Variants in EP300 observed in about 807,000 individuals in gnomAD.
The protein encoded by EP300 is histone acetyltransferase p300.
EP300 carries 31 observed loss-of-function variants against 264.0 expected under a neutral mutation model. That is an observed-to-expected ratio of 0.12 (90% CI 0.09 to 0.16). The LOEUF (loss-of-function observed/expected upper bound fraction) is 0.16, where lower values mean the gene tolerates loss of function less well. Ranked by LOEUF, EP300 falls within the 10% of genes least tolerant of loss-of-function variation. The pLI is 1.00. For missense variants in EP300, 2,766 were observed against 3,052.9 expected (o/e 0.91, Z 2.21); for synonymous variants, 1,340 against 1,045.4 (o/e 1.28, Z -5.44).
intron 1 of EP300, among the ~76,000 whole-genome samples, chr22:41,100,581 C>A (rs2058726245): frequency 6.6e-6 from 1 of 152,182 alleles, no homozygotes; most frequent in Non-Finnish European, 1.5e-5. Context: ...TGCATCTGTA[C>A]TGGACATGTA....
chr22:41,176,589 G>T (rs2145514305), intron 30 of EP300, 61 bp downstream of exon 30: 1 of 1,610,608 alleles, frequency 6.2e-7, no homozygotes, highest in Non-Finnish European at 8.5e-7. Context: ...GAGGGGCCAT[G>T]CAGCCACGTA....
chr22:41,169,715 T>C (rs1457213485), intron 26 of EP300, 99 bp downstream of exon 26: 12 of 753,882 alleles, frequency 1.6e-5, no homozygotes, highest in Admixed American at 8.3e-5. Flanking sequence ...GGCCTTTTTT[T>C]CCTCATTTTA....
chr22:41,164,092 G>C lies in EP300; in HGVS notation c.3768G>C (p.Gln1256His). The change falls in exon 22 of 31, where the codon CAG becomes CAC. Residue 1256 changes from glutamine (Q) to histidine (H), a missense_variant. Gln to His is a conservative substitution (Grantham distance 24, BLOSUM62 0). Coordinates refer to ENST00000263253, the MANE Select transcript of EP300 (RefSeq NM_001429.4). ...ECTECGRKMH[Q>H]ICVLHHEIIW... ...CAGAGTGCGGAAGAAAGATGCATCA[G>C]ATCTGTGTCCTTCACCATGAGATCA... 6.2e-7 allele frequency: 1 copy of C among 1,614,142 alleles called. No homozygotes were observed. Among genetic ancestry groups the C allele is most frequent in the Non-Finnish European group, 8.5e-7 (1 of 1,180,030 alleles).
chr22:41,151,360 A>AG (rs1468106124), intron 14 of EP300, among the ~76,000 whole-genome samples: 1 of 152,204 alleles, frequency 6.6e-6, no homozygotes, highest in Non-Finnish European at 1.5e-5. Context: ...GGATAAAGAT[A>AG]GGGAATGCCA....
intron 1 of EP300, among the ~76,000 whole-genome samples, chr22:41,099,281 C>T (rs1315096800): frequency 6.6e-6 from 1 of 151,974 alleles, no homozygotes; most frequent in African/African-American, 2.4e-5. Context: ...GATCCACCCA[C>T]CTCGGCCTCC....
chr22:41,103,118 G>A (rs1196747886), intron 1 of EP300, among the ~76,000 whole-genome samples: 3 of 152,150 alleles, frequency 2.0e-5, no homozygotes, highest in African/African-American at 7.2e-5. Flanking sequence ...CAAAAGTGCT[G>A]GGATTACAGG....
rs1307010834 is a variant in EP300, at chr22:41,130,145, G to C, written c.1282+142G>C. The C allele has an allele frequency of 1.0e-5, 7 of 679,304 alleles. No homozygotes were observed. In the Admixed American group the frequency reaches 1.4e-4, roughly 14 times the overall value. 42.1% of individuals were successfully genotyped at this position (679,304 alleles called of 1,614,324 possible). ...TGTTTTTTTCCCTTTTAATTTTTCT[G>C]CTTCCCTAGTGCATAGAATTGAACT... On this transcript the variant is annotated intron_variant, in intron 5 of 30. Coordinates refer to ENST00000263253, the MANE Select transcript of EP300 (RefSeq NM_001429.4).
At chr22:41,130,818 TAAGAG>T (rs2145714806) in intron 5 of EP300, among the ~76,000 whole-genome samples, 1 of 152,056 alleles carries the variant, frequency 6.6e-6, no homozygotes, top group South Asian at 2.1e-4. Context: ...TTTTTTTTTT[TAAGAG>T]AAAAGACGAG....
In EP300 at chr22:41,140,161, G is replaced by T. The variant is rs17002307; in HGVS notation, c.1782G>T (p.Thr594=). 4 of 1,613,904 alleles carry T rather than the reference G, an allele frequency of 2.5e-6. No homozygotes were observed. Among genetic ancestry groups the T allele is most frequent in the Non-Finnish European group, 3.4e-6 (4 of 1,179,858 alleles). Residue 594 remains threonine (T), a synonymous_variant, in exon 9 of 31, where the codon ACG becomes ACT. Transcript: ENST00000263253. ...VHKLVQAIFP[T]PDPAALKDRR... is the part of the protein sequence containing the mutation. ...CCAGCGTCCAAGCCATATTTCCTAC[G>T]CCGGATCCTGCTGCTTTAAAAGACA... is the stretch of plus-strand genomic sequence containing the variant.
At chr22:41,094,558 C>A (rs1297050285) in intron 1 of EP300, among the ~76,000 whole-genome samples, 1 of 152,178 alleles carries the variant, frequency 6.6e-6, no homozygotes, top group Non-Finnish European at 1.5e-5. Context: ...ACTGTAGTCT[C>A]CAGGGATTTT....
intron 23 of EP300, 138 bp from the exon 24 acceptor site, chr22:41,168,311 A>G (rs1481919181): frequency 1.3e-5 from 12 of 917,828 alleles, no homozygotes; most frequent in Non-Finnish European, 1.2e-5. Context: ...AGTAGTGACT[A>G]CTTTGCTATG....
chr22:41,105,484 C>T (rs188147055), intron 1 of EP300, among the ~76,000 whole-genome samples: 53 of 151,878 alleles, frequency 3.5e-4, no homozygotes, highest in African/African-American at 1.3e-3. Flanking sequence ...CTGCAGCCTC[C>T]GCCTCCCGGG....
intron 18 of EP300, 90 bp from the exon 19 acceptor site, chr22:41,158,322 C>A: frequency 1.0e-6 from 1 of 955,216 alleles, no homozygotes; most frequent in Non-Finnish European, 1.7e-6. Flanking sequence ...AACTAAGACA[C>A]CACTGACTTC....
chr22:41,178,747 T>G lies in EP300; in HGVS notation c.7036T>G (p.Ser2346Ala), dbSNP rs2059219911. Residue 2346 changes from serine (S) to alanine (A), a missense_variant, in exon 31 of 31, where the codon TCC becomes GCC. By Grantham distance (99) the Ser-to-Ala change is moderately conservative. Coordinates refer to ENST00000263253, the MANE Select transcript of EP300 (RefSeq NM_001429.4). ...ACACCACGTTTCCCCACAGACAAGTTCCCCACATCCTGGACTGGTAGCTGC... is the reference window on the plus strand; with the variant it reads ...ACACCACGTTTCCCCACAGACAAGTGCCCCACATCCTGGACTGGTAGCTGC... ...SPHHVSPQTS[S>A]PHPGLVAAQA... 1.2e-6 allele frequency: 2 copies of G among 1,613,832 alleles called. No individual in the cohort carries two copies. The highest frequency in any genetic ancestry group is 1.7e-6 in the Non-Finnish European group (2 of 1,179,944).
At chr22:41,170,653 C>CTTTTTT (rs35506286) in intron 27 of EP300, 82 bp downstream of exon 27, 68 of 391,584 alleles carry the variant, frequency 1.7e-4, no homozygotes, top group African/African-American at 3.5e-4. Context: ...TGTCATTTAA[C>CTTTTTT]TTTTTTTTTT....
In EP300 at chr22:41,177,790, A is replaced by T; in HGVS notation, c.6079A>T (p.Met2027Leu). Residue 2027 changes from methionine to leucine, a missense_variant, in exon 31 of 31, where the codon ATG becomes TTG. By Grantham distance (15) the Met-to-Leu change is conservative. Transcript: ENST00000263253. ...SVAQHGQPLN[M>L]APQPGLGQVG... The stretch of plus-strand genomic sequence containing the variant: ...GGCCCAGCATGGTCAACCTTTGAAC[A>T]TGGCTCCACAACCAGGATTGGGCCA... 6.2e-7 allele frequency: 1 copy of T among 1,614,024 alleles called. No individual in the cohort carries two copies. Among genetic ancestry groups the T allele is most frequent in the Non-Finnish European group, 8.5e-7 (1 of 1,180,036 alleles).
intron 10 of EP300, among the ~76,000 whole-genome samples, chr22:41,141,903 C>CTGG (rs1008393055): frequency 3.9e-5 from 6 of 152,106 alleles, no homozygotes; most frequent in African/African-American, 1.4e-4. Flanking sequence ...TCTCAAACTC[C>CTGG]TGGCCTCAAA....
intron 8 of EP300, among the ~76,000 whole-genome samples, chr22:41,139,374 C>T (rs530983767): frequency 5.9e-5 from 9 of 152,306 alleles, no homozygotes; most frequent in South Asian, 2.1e-4. Flanking sequence ...ACAGACTATT[C>T]AGGAACTTTT....
chr22:41,144,847 C>G (rs1053891598), intron 10 of EP300, among the ~76,000 whole-genome samples: 2 of 152,012 alleles, frequency 1.3e-5, no homozygotes, highest in Admixed American at 6.6e-5. Flanking sequence ...GTCTCAAATA[C>G]TTAAAAATCA....
Sources: allele counts gnomAD v4.1 joint callset (sites outside exome capture counted in the v4.1 genomes callset), GRCh38; gene constraint gnomAD v4.1.1; transcripts MANE v1.5; gene names NCBI Gene and HGNC (gene_info 2026-07-23, HGNC 2026-07-21).